Variants in ACAD9 observed in about 807,000 individuals in gnomAD.
ACAD9 encodes the protein complex I assembly factor ACAD9, mitochondrial.
ACAD9 carries 53 observed loss-of-function variants against 70.2 expected under a neutral mutation model. The ratio of observed to expected loss-of-function variants is 0.75; its 90% CI spans 0.61 to 0.95. The LOEUF is 0.95. Among genes scored for constraint, ACAD9 ranks in the 40% least tolerant of loss-of-function variants. The pLI is 0.00. For missense variants in ACAD9, 777 were observed against 802.8 expected, an observed-to-expected ratio of 0.97 and a Z score of 0.39; for synonymous variants, 313 against 312.1, an observed-to-expected ratio of 1.00 and a Z score of -0.03.
chr3:128,889,856 T>C (rs1935365690), intron 2 of ACAD9, among the ~76,000 whole-genome samples: 1 of 152,166 alleles, frequency 6.6e-6, no homozygotes, highest in African/African-American at 2.4e-5. Context: ...GGGTCTTTCT[T>C]TGTTGCCTGG....
intron 1 of ACAD9, among the ~76,000 whole-genome samples, chr3:128,881,459 T>A (rs1935091193): frequency 6.6e-6 from 1 of 152,242 alleles, no homozygotes; most frequent in Non-Finnish European, 1.5e-5. Context: ...TCTGTTACTG[T>A]GAACTGTCTG....
At chr3:128,896,181 G>T (rs1177469155) in intron 4 of ACAD9, among the ~76,000 whole-genome samples, 1 of 152,214 alleles carries the variant, frequency 6.6e-6, no homozygotes, top group Non-Finnish European at 1.5e-5. Flanking sequence ...GGAAATGAAG[G>T]AACTGATATG....
At chr3:128,901,233 G>T in intron 7 of ACAD9, 43 bp from the exon 8 acceptor site, 1 of 1,570,212 alleles carries the variant, frequency 6.4e-7, no homozygotes, top group Non-Finnish European at 8.8e-7. Flanking sequence ...GATGCAGAGT[G>T]GTTTGCATTG....
At chr3:128,910,713 A>C (rs778095534) in intron 16 of ACAD9, 28 bp from the exon 17 acceptor site, 33 of 1,613,718 alleles carry the variant, frequency 2.0e-5, no homozygotes, top group Middle Eastern at 3.3e-4. Flanking sequence ...GAATTTGGGC[A>C]TATCTTTTCT....
Position 128,902,875 on chromosome 3 carries a change from G to T in ACAD9, c.958+247G>T, listed in dbSNP as rs1316000639. ...ATGCTGACTGGGGGACAGGCTTTCT[G>T]TCTGGGGTGGGGATGGGGATTGGGG... On this transcript the variant is annotated intron_variant, in intron 9 of 17. Transcript: ENST00000308982. This position sits in a 1 kb window ranked among gnomAD's most constrained non-coding sequence, Gnocchi z 4.0. Among the ~76,000 whole-genome samples, 2 of 152,180 alleles carry T rather than the reference G, an allele frequency of 1.3e-5. No individual in the cohort carries two copies. The highest frequency in any genetic ancestry group is 2.9e-5 in the Non-Finnish European group (2 of 68,034).
chr3:128,893,678 C>T, intron 3 of ACAD9, 22 bp downstream of exon 3: 2 of 1,595,932 alleles, frequency 1.3e-6, no homozygotes. Context: ...AAACAAGCAC[C>T]CAGCCAGTTT....
chr3:128,882,232 A>G (rs1304031384), intron 1 of ACAD9, among the ~76,000 whole-genome samples: 2 of 152,214 alleles, frequency 1.3e-5, no homozygotes, highest in Non-Finnish European at 2.9e-5. Context: ...TAAGAGGTCT[A>G]ACAGGCATTT....
chr3:128,898,054 A>C (rs1215636426), intron 6 of ACAD9, among the ~76,000 whole-genome samples: 1 of 152,000 alleles, frequency 6.6e-6, no homozygotes, highest in East Asian at 1.9e-4. Context: ...ATGGAGTTTC[A>C]CCATGTTGTC....
intron 2 of ACAD9, among the ~76,000 whole-genome samples, chr3:128,889,478 T>C (rs969357200): frequency 6.6e-6 from 1 of 152,218 alleles, no homozygotes; most frequent in African/African-American, 2.4e-5. Flanking sequence ...GAGCCATCAG[T>C]GCAACAGAGG....
At chr3:128,905,416 T>C (rs1353470196) in intron 11 of ACAD9, among the ~76,000 whole-genome samples, 1 of 152,222 alleles carries the variant, frequency 6.6e-6, no homozygotes, top group Non-Finnish European at 1.5e-5. Context: ...CCCCCCACAA[T>C]TGTTTTTAAG....
In ACAD9 at chr3:128,897,668, A is replaced by C; in HGVS notation, c.591A>C (p.Thr197=). ...SDAASIRSRA[T]LSEDKKHYIL... is the part of the protein sequence containing the mutation. ...CAGCCTCAATCCGGAGCAGAGCCAC[A>C]CTAAGTGAAGACAAGAAGCACTACA... The change falls in exon 6 of 18, where the codon ACA becomes ACC. Residue 197 remains threonine (T), a synonymous_variant. Coordinates refer to ENST00000308982, the MANE Select transcript of ACAD9 (RefSeq NM_014049.5). 5 of 1,613,966 alleles carry C rather than the reference A, an allele frequency of 3.1e-6. No homozygotes were observed. Among genetic ancestry groups the C allele is most frequent in the Non-Finnish European group, 4.2e-6 (5 of 1,179,926 alleles).
rs1286883798 is a variant in ACAD9 at position 128,902,877 on chromosome 3, CTGGGG to C, written c.958+255_958+259del. 6.6e-6 allele frequency among the ~76,000 whole-genome samples: 1 copy of C among 152,058 alleles called. No homozygotes were observed. The highest frequency in any genetic ancestry group is 1.5e-5 in the Non-Finnish European group (1 of 67,998). ...GCTGACTGGGGGACAGGCTTTCTGT[CTGGGG>C]TGGGGATGGGGATTGGGGAATGGGC... is the stretch of plus-strand genomic sequence containing the variant. On this transcript the variant is annotated intron_variant, in intron 9 of 17. Coordinates refer to ENST00000308982, the MANE Select transcript of ACAD9 (RefSeq NM_014049.5). The surrounding 1 kb of genome is among the most constrained non-coding windows in gnomAD (Gnocchi z 4.0).
chr3:128,892,914 T>G (rs1473753955), intron 2 of ACAD9, among the ~76,000 whole-genome samples: 1 of 152,068 alleles, frequency 6.6e-6, no homozygotes, highest in Non-Finnish European at 1.5e-5. Context: ...AGGAAAAACA[T>G]GAAGTTTAAC....
At chr3:128,910,673 G>T (rs535800944) in intron 16 of ACAD9, 68 bp from the exon 17 acceptor site, 1 of 1,573,798 alleles carries the variant, frequency 6.4e-7, no homozygotes, top group African/African-American at 1.3e-5. Flanking sequence ...TGATAGGCTG[G>T]GTTTTTGAAG....
At position 128,899,473 on chromosome 3, in the gene ACAD9, C is replaced by T. The variant is rs1935668869; in HGVS notation, c.808+12C>T. On this transcript the variant is annotated intron_variant, in intron 7 of 17. Transcript: ENST00000308982. Reference sequence around the variant, plus strand: ...TCGGGGCTCCAACAGTAAGTAGCTCCTGTGCGCGCGTGCGCGTGTGTGTGT... The same window carrying T: ...TCGGGGCTCCAACAGTAAGTAGCTCTTGTGCGCGCGTGCGCGTGTGTGTGT... The T allele has an allele frequency of 1.9e-6, 3 of 1,611,350 alleles. No homozygotes were observed. In the South Asian group the frequency reaches 3.3e-5, roughly 18 times the overall value.
At chr3:128,910,889 C>A in intron 17 of ACAD9, 76 bp downstream of exon 17, 2 of 1,533,720 alleles carry the variant, frequency 1.3e-6, no homozygotes, top group Non-Finnish European at 1.8e-6. Flanking sequence ...GTTTCTGGAC[C>A]CTGTCAAGCT....
At chr3:128,910,315 T>C in intron 16 of ACAD9, 166 bp downstream of exon 16, 1 of 1,482,346 alleles carries the variant, frequency 6.7e-7, no homozygotes, top group African/African-American at 1.4e-5. Context: ...GATGGGGCTG[T>C]TCCCTTTCTT....
intron 12 of ACAD9, 131 bp downstream of exon 12, chr3:128,906,380 C>A: frequency 7.2e-7 from 1 of 1,391,000 alleles, no homozygotes. Context: ...GCTCTCCTAG[C>A]CCTGGCACGT....
In ACAD9 at chr3:128,906,268, AG is replaced by A. The variant is rs749270179; in HGVS notation, c.1278+20del. The A allele has an allele frequency of 6.2e-7, 1 of 1,613,302 alleles. No individual in the cohort carries two copies. Among genetic ancestry groups the A allele is most frequent in the South Asian group, 1.1e-5 (1 of 91,088 alleles). ...CTTCGAGGTGAGTGGCCCCGCCACCAGCTAAGCTGTGCTCCACCCCCACCCT... is the reference window on the plus strand; with the variant it reads ...CTTCGAGGTGAGTGGCCCCGCCACCACTAAGCTGTGCTCCACCCCCACCCT... On this transcript the variant is annotated intron_variant, in intron 12 of 17. Transcript: ENST00000308982.
Sources: allele counts gnomAD v4.1 joint callset (sites outside exome capture counted in the v4.1 genomes callset), GRCh38; gene constraint gnomAD v4.1.1; non-coding constraint Gnocchi (gnomAD v3.1); transcripts MANE v1.5; gene names NCBI Gene and HGNC (gene_info 2026-07-23, HGNC 2026-07-21).